Variants in E2F3 observed in about 807,000 individuals in gnomAD.
E2F3 encodes the protein transcription factor E2F3.
E2F3 carries 11 observed loss-of-function variants against 44.4 expected under a neutral mutation model. The ratio of observed to expected loss-of-function variants is 0.25; its 90% confidence interval spans 0.16 to 0.41. The LOEUF is 0.41. E2F3 is among the 10% of genes least tolerant of loss of function. The probability of loss-of-function intolerance (pLI) is 1.00; values close to 1 mark genes in which losing one functional copy is unlikely to be tolerated. For synonymous variants in E2F3, 249 were observed against 253.0 expected (o/e 0.98, Z 0.15); for missense variants, 487 against 583.6 (o/e 0.83, Z 1.70).
In E2F3 at chr6:20,482,788, G is replaced by A. The variant is rs766868785; in HGVS notation, c.752G>A (p.Gly251Asp). Residue 251 changes from glycine to aspartate, a missense_variant, in exon 4 of 7, where the codon GGC becomes GAC. Gly to Asp is a moderately conservative substitution (Grantham distance 94). Around this residue, in one of 3 missense-constraint regions of E2F3, gnomAD observed 220 missense variants for 261.7 expected, o/e 0.84. Transcript: ENST00000346618. ...GGCTGCAGTCTGTCTGAGGATGGGG[G>A]CATGCTGGCCCAGTGTCAAGGCCTG... is the stretch of plus-strand genomic sequence containing the variant. ...WMGCSLSEDG[G>D]MLAQCQGLSK... The A allele has an allele frequency of 4.3e-6, 7 of 1,611,682 alleles. No homozygotes were observed. Among genetic ancestry groups the A allele is most frequent in the Admixed American group, 3.3e-5 (2 of 59,908 alleles).
chr6:20,415,354 A>G (rs1442856788), intron 1 of E2F3, among the ~76,000 whole-genome samples: 1 of 152,254 alleles, frequency 6.6e-6, no homozygotes, highest in Non-Finnish European at 1.5e-5. Context: ...TTAAACTAGA[A>G]CAGGACTTCA....
At chr6:20,427,438 T>C (rs757173548) in intron 1 of E2F3, among the ~76,000 whole-genome samples, 2 of 152,090 alleles carry the variant, frequency 1.3e-5, no homozygotes, top group African/African-American at 4.8e-5. Flanking sequence ...AGGGGTTACA[T>C]TGGGGTTTGC....
chr6:20,459,810 C>T (rs1043937283), intron 1 of E2F3, among the ~76,000 whole-genome samples: 6 of 152,054 alleles, frequency 3.9e-5, no homozygotes, highest in Non-Finnish European at 5.9e-5. Context: ...GGTGTGGTGG[C>T]GTGCACCTGT....
chr6:20,490,940 A>G lies in E2F3; in HGVS notation c.*510A>G, dbSNP rs1285176028. The stretch of plus-strand genomic sequence containing the variant: ...ACTTGAAGTCATGCAAAAGTATGAA[A>G]TGGATTTCTTCAGCTCTTCTTAGGA... On this transcript the variant is annotated 3_prime_UTR_variant, in exon 7 of 7. Transcript: ENST00000346618. The surrounding 1 kb of genome is among the most constrained non-coding windows in gnomAD (Gnocchi z 4.3). 4.3e-6 allele frequency: 1 copy of G among 230,008 alleles called. No individual in the cohort carries two copies. The highest frequency in any genetic ancestry group is 8.6e-6 in the Non-Finnish European group (1 of 115,854). 14.2% of individuals were successfully genotyped at this position (230,008 alleles called of 1,614,324 possible). A position where few individuals can be genotyped will look rare whatever the true frequency, so the allele number is the denominator to read the frequency against.
At position 20,493,314 on chromosome 6, in the gene E2F3, A is replaced by G. The variant is rs1312982890; in HGVS notation, c.*2884A>G. On this transcript the variant is annotated 3_prime_UTR_variant, in exon 7 of 7. Transcript: ENST00000346618. ...GTATTTAAAGCTTAAGCTTTCAGGA[A>G]AAAGAAAATAAGAATTCAGTGTGTG... 4 of 222,220 alleles carry G rather than the reference A, an allele frequency of 1.8e-5. No individual in the cohort carries two copies. The highest frequency in any genetic ancestry group is 3.6e-5 in the Non-Finnish European group (4 of 110,894). The allele number at this position is 222,220 out of a possible 1,614,324, so 13.8% of individuals were successfully genotyped here.
At chr6:20,425,012 C>T (rs1760166543) in intron 1 of E2F3, among the ~76,000 whole-genome samples, 1 of 152,166 alleles carries the variant, frequency 6.6e-6, no homozygotes, top group African/African-American at 2.4e-5. Flanking sequence ...GGTGTTTCTC[C>T]ATGTCCTGCA....
Position 20,487,388 on chromosome 6 carries a change from G to T in E2F3, c.999+585G>T, listed in dbSNP as rs575675229. ...AATGAAAGTTACACGCTTCCATCTAGGGTAGACTTCTTACCTTAAAAGATA... is the reference window on the plus strand; with the variant it reads ...AATGAAAGTTACACGCTTCCATCTATGGTAGACTTCTTACCTTAAAAGATA... On this transcript the variant is annotated intron_variant, in intron 5 of 6. Coordinates refer to ENST00000346618, the MANE Select transcript of E2F3 (RefSeq NM_001949.5). Among the ~76,000 whole-genome samples the T allele has an allele frequency of 7.9e-5, 12 of 152,228 alleles. No homozygotes were observed. The East Asian group carries it at 2.3e-3, about 29-fold the overall frequency.
intron 1 of E2F3, among the ~76,000 whole-genome samples, chr6:20,411,058 A>C (rs1198783111): frequency 6.6e-6 from 1 of 152,188 alleles, no homozygotes; most frequent in Non-Finnish European, 1.5e-5. Context: ...GGGTCTTTGT[A>C]TTTCTTTATA....
At chr6:20,481,970 T>C (rs976076018) in intron 3 of E2F3, among the ~76,000 whole-genome samples, 4 of 152,166 alleles carry the variant, frequency 2.6e-5, no homozygotes, top group Non-Finnish European at 4.4e-5. Flanking sequence ...ATGATACTTA[T>C]ACAGCCACAC....
intron 1 of E2F3, among the ~76,000 whole-genome samples, chr6:20,460,033 G>T (rs1182587737): frequency 3.3e-5 from 5 of 152,296 alleles, no homozygotes; most frequent in African/African-American, 1.2e-4. Flanking sequence ...GGTTCCCATT[G>T]CTCACTTCTT....
At position 20,451,271 on chromosome 6, in the gene E2F3, G is replaced by C. The variant is rs570063356; in HGVS notation, c.394-28575G>C. 2.6e-5 allele frequency among the ~76,000 whole-genome samples: 4 copies of C among 152,130 alleles called. No individual in the cohort carries two copies. The South Asian group carries it at 8.3e-4, about 32-fold the overall frequency. ...TCTTTGAAGAGTGTTTTTAATTCTT[G>C]TTGTAGAGATCTTTCTAGTGTATTC... On this transcript the variant is annotated intron_variant, in intron 1 of 6. Coordinates refer to ENST00000346618, the MANE Select transcript of E2F3 (RefSeq NM_001949.5).
chr6:20,430,827 C>T (rs1214879025), intron 1 of E2F3, among the ~76,000 whole-genome samples: 6 of 152,102 alleles, frequency 3.9e-5, no homozygotes, highest in Non-Finnish European at 7.4e-5. Flanking sequence ...GAGTTTGAGA[C>T]CAGCCTGGTC....
intron 1 of E2F3, chr6:20,439,888 A>T (rs953658516): frequency 6.6e-6 from 1 of 152,186 alleles, no homozygotes; most frequent in Non-Finnish European, 1.5e-5. Context: ...GACAGTCCTC[A>T]TCCCATTTAA....
At chr6:20,462,459 T>C (rs1415196761) in intron 1 of E2F3, among the ~76,000 whole-genome samples, 2 of 126,908 alleles carry the variant, frequency 1.6e-5, no homozygotes, top group Admixed American at 7.5e-5. Flanking sequence ...TCACTAATTC[T>C]TTTTTTTTTT....
intron 1 of E2F3, among the ~76,000 whole-genome samples, chr6:20,421,117 A>G (rs1175275111): frequency 6.6e-6 from 1 of 152,232 alleles, no homozygotes; most frequent in East Asian, 1.9e-4. Flanking sequence ...TCAATCACCT[A>G]TTAACGCTCC....
chr6:20,493,053 T>C lies in E2F3; in HGVS notation c.*2623T>C, dbSNP rs1366249095. ...TCAAACAGTGTTAGGAGTGTGTTTA[T>C]ATGTACAGAGTTGTGCATAGCAATC... On this transcript the variant is annotated 3_prime_UTR_variant, in exon 7 of 7. Transcript: ENST00000346618. The C allele has an allele frequency of 4.6e-6, 1 of 217,034 alleles. No individual in the cohort carries two copies. The highest frequency in any genetic ancestry group is 2.2e-5 in the African/African-American group (1 of 44,462). The allele number at this position is 217,034 out of a possible 1,614,324, so 13.4% of individuals were successfully genotyped here. A position where few individuals can be genotyped will look rare whatever the true frequency, so the allele number is the denominator to read the frequency against.
rs72828442 is a variant in E2F3 at position 20,426,523 on chromosome 6, C to T, written c.393+23898C>T. On this transcript the variant is annotated intron_variant, in intron 1 of 6. Transcript: ENST00000346618. ...CTTGCCGCCCCAATCTTGTTTTTCA[C>T]GTCTGCAGTTATGGCTGAAATATCT... 5.6e-3 allele frequency among the ~76,000 whole-genome samples: 791 copies of T among 140,062 alleles called. 3 individuals are homozygous for T. Among genetic ancestry groups the T allele is most frequent in the Non-Finnish European group, 8.3e-3 (533 of 64,328 alleles). 91.9% of individuals were successfully genotyped at this position (140,062 alleles called of 152,430 possible). A position where few individuals can be genotyped will look rare whatever the true frequency, so the allele number is the denominator to read the frequency against.
intron 1 of E2F3, among the ~76,000 whole-genome samples, chr6:20,472,720 G>A (rs1007781441): frequency 6.6e-6 from 1 of 152,054 alleles, no homozygotes; most frequent in South Asian, 2.1e-4. Context: ...CTGAGACCTC[G>A]GGTAAATCCT....
chr6:20,467,073 C>T (rs1454875232), intron 1 of E2F3, among the ~76,000 whole-genome samples: 3 of 152,158 alleles, frequency 2.0e-5, no homozygotes, highest in Non-Finnish European at 2.9e-5. Flanking sequence ...TACCCTTCAT[C>T]ATTCTCTTGT....
Sources: gnomAD v4.1 joint callset for allele counts (sites outside exome capture counted in the v4.1 genomes callset) on GRCh38, gnomAD v4.1.1 for gene constraint, gnomAD v4.1.1 regional missense constraint, Gnocchi (gnomAD v3.1) non-coding constraint, MANE v1.5 for transcripts, NCBI Gene and HGNC (gene_info 2026-07-23, HGNC 2026-07-21) for gene names.